CLVS1: variants seen among roughly 807,000 people sequenced by gnomAD.
CLVS1 encodes the protein clavesin 1.
Under a neutral mutation model 33.1 loss-of-function variants are expected in CLVS1, and 10 were observed. That is an observed-to-expected ratio of 0.30 (90% CI 0.19 to 0.51). The LOEUF is 0.51. Among genes scored for constraint, CLVS1 ranks in the 20% least tolerant of loss-of-function variants. The pLI is 0.97. For missense variants in CLVS1, 343 were observed against 433.4 expected, an observed-to-expected ratio of 0.79 and a Z score of 1.85; for synonymous variants, 163 against 166.1, an observed-to-expected ratio of 0.98 and a Z score of 0.14.
At chr8:61,253,655 C>T (rs1349929169) in intron 2 of CLVS1, among the ~76,000 whole-genome samples, 2 of 152,156 alleles carry the variant, frequency 1.3e-5, no homozygotes, top group Non-Finnish European at 2.9e-5. Flanking sequence ...TCTCTTCTTG[C>T]TTCATTTAAT....
chr8:61,041,117 A>G, the CLVS1 span, among the ~76,000 whole-genome samples: 1 of 149,736 alleles, frequency 6.7e-6, no homozygotes, highest in East Asian at 1.9e-4. Flanking sequence ...TATTTTTGTC[A>G]ACTTTGTTAA....
chr8:61,434,474 A>G (rs377223587), intron 3 of CLVS1, among the ~76,000 whole-genome samples: 1 of 152,222 alleles, frequency 6.6e-6, no homozygotes, highest in Non-Finnish European at 1.5e-5. Context: ...AGTCCTAAGA[A>G]CATGTGCCCA....
At chr8:61,165,428 A>T (rs1371312558) in intron 2 of CLVS1, among the ~76,000 whole-genome samples, 1 of 152,194 alleles carries the variant, frequency 6.6e-6, no homozygotes, top group East Asian at 1.9e-4. Context: ...TTATATCCTG[A>T]TCCTTGTCCC....
chr8:61,409,903 A>T (rs1054449128), intron 3 of CLVS1, among the ~76,000 whole-genome samples: 1 of 152,198 alleles, frequency 6.6e-6, no homozygotes, highest in South Asian at 2.1e-4. Context: ...TTTCATGTTT[A>T]AGTGGAATTT....
At chr8:61,139,685 G>C (rs375127613) in intron 2 of CLVS1, among the ~76,000 whole-genome samples, 22 of 152,234 alleles carry the variant, frequency 1.4e-4, no homozygotes, top group Middle Eastern at 6.8e-3. Context: ...CGCGAGAGAG[G>C]GCTGCCAGGA....
At chr8:61,207,334 T>G (rs1807873242) in intron 2 of CLVS1, among the ~76,000 whole-genome samples, 1 of 151,544 alleles carries the variant, frequency 6.6e-6, no homozygotes, top group African/African-American at 2.4e-5. Context: ...TCCAGGAATG[T>G]GCAGAGGTGC....
intron 2 of CLVS1, among the ~76,000 whole-genome samples, chr8:61,373,605 A>T (rs1813525475): frequency 6.6e-6 from 1 of 152,230 alleles, no homozygotes; most frequent in African/African-American, 2.4e-5. Flanking sequence ...CTTCAAAGTT[A>T]ATTATTTCTA....
intron 3 of CLVS1, among the ~76,000 whole-genome samples, chr8:61,450,338 G>A (rs1816908453): frequency 2.0e-5 from 3 of 152,204 alleles, no homozygotes; most frequent in Admixed American, 1.3e-4. Context: ...CTTATCTAAG[G>A]TTTACAGGCT....
At chr8:61,445,608 T>G (rs1816731558) in intron 3 of CLVS1, among the ~76,000 whole-genome samples, 2 of 151,764 alleles carry the variant, frequency 1.3e-5, no homozygotes, top group South Asian at 4.2e-4. Context: ...ATAAACCTCC[T>G]TTTTTTTATA....
intron 1 of CLVS1, among the ~76,000 whole-genome samples, chr8:61,081,026 T>C (rs1327117199): frequency 6.6e-6 from 1 of 152,176 alleles, no homozygotes; most frequent in Non-Finnish European, 1.5e-5. Context: ...ATGTCTACAA[T>C]CTTAGTTTGG....
rs187179966 is a variant in CLVS1, at chr8:61,303,820, A to G, written c.455+3538A>G. On this transcript the variant is annotated intron_variant, in intron 2 of 5. Transcript: ENST00000325897. ...TTGAATGACATAACGCACTGAAAAA[A>G]CACAGCTTGTTGTTTGATACACGGT... is the stretch of plus-strand genomic sequence containing the variant. Among the ~76,000 whole-genome samples the G allele has an allele frequency of 3.6e-3, 547 of 152,332 alleles. 3 individuals carry two copies. Among genetic ancestry groups the G allele is most frequent in the African/African-American group, 0.013 (522 of 41,570 alleles).
intron 2 of CLVS1, among the ~76,000 whole-genome samples, chr8:61,144,262 A>C (rs7835081): frequency 0.91 from 138,113 of 152,084 alleles, 63,045 homozygotes; most frequent in African/African-American, 0.98. Flanking sequence ...CATTTGTTCT[A>C]ATTGTTCGAC....
chr8:61,305,589 T>G (rs1810593939), intron 2 of CLVS1, among the ~76,000 whole-genome samples: 1 of 152,192 alleles, frequency 6.6e-6, no homozygotes, highest in Admixed American at 6.5e-5. Context: ...TTCAGGTACA[T>G]GTGCAGGTTT....
intron 1 of CLVS1, among the ~76,000 whole-genome samples, chr8:61,103,997 A>G (rs539394347): frequency 6.6e-6 from 1 of 152,368 alleles, no homozygotes; most frequent in African/African-American, 2.4e-5. Context: ...TACAATAGAT[A>G]ACCAACATGT....
intron 3 of CLVS1, among the ~76,000 whole-genome samples, chr8:61,451,675 C>T (rs1381282634): frequency 1.3e-5 from 2 of 152,056 alleles, no homozygotes; most frequent in African/African-American, 2.4e-5. Flanking sequence ...GTGTGACTGA[C>T]AACTTCCCTT....
At chr8:60,995,204 T>C in the CLVS1 span, among the ~76,000 whole-genome samples, 1 of 152,218 alleles carries the variant, frequency 6.6e-6, no homozygotes, top group African/African-American at 2.4e-5. Flanking sequence ...CAAAAGAAAC[T>C]ACCATCAGAG....
intron 5 of CLVS1, among the ~76,000 whole-genome samples, chr8:61,466,461 C>G (rs947663398): frequency 6.6e-6 from 1 of 151,980 alleles, no homozygotes. Flanking sequence ...AACCAACAGT[C>G]CTGCTACACA....
At chr8:61,314,452 T>C (rs1372523829) in intron 2 of CLVS1, among the ~76,000 whole-genome samples, 2 of 152,200 alleles carry the variant, frequency 1.3e-5, no homozygotes, top group African/African-American at 4.8e-5. Context: ...TAAAGGCCAG[T>C]TTTAAAATTT....
chr8:61,299,144 C>T (rs572094375), intron 1 of CLVS1, among the ~76,000 whole-genome samples: 7 of 152,072 alleles, frequency 4.6e-5, no homozygotes, highest in South Asian at 2.1e-4. Context: ...TGAACACTGG[C>T]GGGGTTAAAA....
Sources: allele counts gnomAD v4.1 joint callset (sites outside exome capture counted in the v4.1 genomes callset), GRCh38; gene constraint gnomAD v4.1.1; transcripts MANE v1.5; gene names NCBI Gene and HGNC (gene_info 2026-07-23, HGNC 2026-07-21).